FGD3: variants seen among roughly 807,000 people sequenced by gnomAD.
FGD3 encodes the protein FYVE, RhoGEF and PH domain containing 3, also known as FYVE, RhoGEF and PH domain-containing protein 3.
A neutral mutation model predicts 71.8 loss-of-function variants in FGD3; 45 were observed. The ratio of observed to expected loss-of-function variants is 0.63; its 90% CI spans 0.49 to 0.80. FGD3 has a LOEUF of 0.80. Among genes scored for constraint, FGD3 ranks in the 30% least tolerant of loss-of-function variants. The pLI is 0.00. For synonymous variants in FGD3, 378 were observed against 392.8 expected, an observed-to-expected ratio of 0.96 and a Z score of 0.44; for missense variants, 844 against 951.5, an observed-to-expected ratio of 0.89 and a Z score of 1.49.
At chr9:92,996,085 C>T (rs1053953380) in intron 3 of FGD3, among the ~76,000 whole-genome samples, 3 of 152,010 alleles carry the variant, frequency 2.0e-5, no homozygotes, top group African/African-American at 7.3e-5. Context: ...TGGTAGAATT[C>T]GGCTGTGAAT....
intron 9 of FGD3, 23 bp from the exon 10 acceptor site, chr9:93,015,714 C>T (rs780156705): frequency 6.2e-7 from 1 of 1,610,292 alleles, no homozygotes; most frequent in South Asian, 1.1e-5. Flanking sequence ...TCTCGTTCCT[C>T]ACCTGTGCCA....
chr9:92,997,720 C>T (rs1041686191), intron 3 of FGD3, among the ~76,000 whole-genome samples: 2 of 152,146 alleles, frequency 1.3e-5, no homozygotes, highest in African/African-American at 4.8e-5. Flanking sequence ...TTTTATTTCT[C>T]CTTCACTTGT....
At chr9:93,020,290 T>C in intron 12 of FGD3, 27 bp from the exon 13 acceptor site, 1 of 1,592,278 alleles carries the variant, frequency 6.3e-7, no homozygotes, top group South Asian at 1.1e-5. Context: ...CCCTTTATAG[T>C]CCTCACTGTT....
intron 3 of FGD3, among the ~76,000 whole-genome samples, chr9:92,981,380 A>AG (rs1185575421): frequency 2.0e-5 from 3 of 151,250 alleles, no homozygotes; most frequent in East Asian, 3.9e-4. Flanking sequence ...AAAAAAAAAA[A>AG]AAAAGAAAAA....
At chr9:92,974,469 G>T (rs931930296) in intron 1 of FGD3, 11 of 152,390 alleles carry the variant, frequency 7.2e-5, no homozygotes, top group African/African-American at 2.6e-4. Flanking sequence ...AAGGGGTTTT[G>T]CCCCAAGACA....
At chr9:93,028,212 ACACACG>A (rs1564171426) in intron 14 of FGD3, among the ~76,000 whole-genome samples, 1 of 81,658 alleles carries the variant, frequency 1.2e-5, no homozygotes, top group Admixed American at 1.2e-4. Context: ...ACACACACAC[ACACACG>A]CACACACACA....
intron 3 of FGD3, among the ~76,000 whole-genome samples, chr9:93,000,108 ATATTT>A (rs1361732342): frequency 6.6e-6 from 1 of 150,648 alleles, no homozygotes; most frequent in Non-Finnish European, 1.5e-5. Flanking sequence ...TTATCTATAG[ATATTT>A]TATTTGTGGT....
chr9:93,015,935 G>T (rs1226110210), intron 10 of FGD3, 106 bp downstream of exon 10: 1 of 976,246 alleles, frequency 1.0e-6, no homozygotes, highest in African/African-American at 1.6e-5. Flanking sequence ...GTGCAGCCTG[G>T]CACCCCTACC....
Position 93,010,236 on chromosome 9 carries a change from G to A in FGD3, c.838-10G>A. On this transcript the variant is annotated splice_polypyrimidine_tract_variant and intron_variant, in intron 6 of 17. Transcript: ENST00000375482. ...CCTTGGAGTGCCCAATGCTCCCTCT[G>A]TCCCCACAGAAGCAGGAGGTATGCG... 1 of 1,602,314 alleles carries A rather than the reference G, an allele frequency of 6.2e-7. No individual in the cohort carries two copies. The highest frequency in any genetic ancestry group is 8.5e-7 in the Non-Finnish European group (1 of 1,171,744).
chr9:93,010,724 G>GGA (rs960912074), intron 7 of FGD3, among the ~76,000 whole-genome samples: 1 of 149,970 alleles, frequency 6.7e-6, no homozygotes, highest in Non-Finnish European at 1.5e-5. Context: ...GGAAGGAGGG[G>GGA]GAGAGAGAGA....
chr9:92,993,565 G>A (rs781047527), intron 3 of FGD3, among the ~76,000 whole-genome samples: 70 of 151,974 alleles, frequency 4.6e-4, no homozygotes, highest in Admixed American at 2.0e-4. Flanking sequence ...TGCTGCACCC[G>A]TTAACTCATC....
At chr9:93,011,415 C>G (rs1861370714) in intron 8 of FGD3, 143 bp downstream of exon 8, 5 of 959,408 alleles carry the variant, frequency 5.2e-6, no homozygotes. Context: ...CCCCCATCCC[C>G]AGGGGGGTCA....
At chr9:93,030,754 G>A (rs1862323687) in intron 15 of FGD3, among the ~76,000 whole-genome samples, 2 of 151,934 alleles carry the variant, frequency 1.3e-5, no homozygotes, top group Admixed American at 6.6e-5. Flanking sequence ...TCCTTGGAAG[G>A]ATGGATGATG....
In FGD3 at chr9:93,014,947, T is replaced by C. The variant is rs1861606912; in HGVS notation, c.1183-790T>C. 3.9e-5 allele frequency among the ~76,000 whole-genome samples: 6 copies of C among 152,032 alleles called. No homozygotes were observed. The South Asian group carries it at 1.2e-3, about 31-fold the overall frequency. On this transcript the variant is annotated intron_variant, in intron 9 of 17. Coordinates refer to ENST00000375482, the MANE Select transcript of FGD3 (RefSeq NM_001083536.2). ...CTCACCTGGCCAAGTTACAATTTGATCACTGCCCCCGCCCACCCCCCCAGT... is the reference window on the plus strand; with the variant it reads ...CTCACCTGGCCAAGTTACAATTTGACCACTGCCCCCGCCCACCCCCCCAGT...
At position 92,969,084 on chromosome 9, in the gene FGD3, C is replaced by T. The variant is rs931417205; in HGVS notation, c.-217-6154C>T. 3.3e-5 allele frequency among the ~76,000 whole-genome samples: 5 copies of T among 152,250 alleles called. No homozygotes were observed. Among genetic ancestry groups the T allele is most frequent in the Non-Finnish European group, 5.9e-5 (4 of 68,044 alleles). On this transcript the variant is annotated intron_variant, in intron 1 of 17. Transcript: ENST00000375482. This position sits in a 1 kb window ranked among gnomAD's most constrained non-coding sequence, Gnocchi z 4.5. ...AGGCAGTTCACATGGTTTATTGTAT[C>T]ACCTAGAGGCACTTACAGTATTGCC...
chr9:93,007,153 C>T (rs983707929), intron 6 of FGD3, among the ~76,000 whole-genome samples: 3 of 151,032 alleles, frequency 2.0e-5, no homozygotes, highest in African/African-American at 7.3e-5. Context: ...TGCAGTGGCG[C>T]GATCTCAGTT....
In FGD3 at chr9:92,960,607, G is replaced by C. The variant is rs538694089; in HGVS notation, c.-218+12878G>C. 2.0e-5 allele frequency among the ~76,000 whole-genome samples: 3 copies of C among 152,266 alleles called. No homozygotes were observed. The East Asian group carries it at 5.8e-4, about 29-fold the overall frequency. On this transcript the variant is annotated intron_variant, in intron 1 of 17. Transcript: ENST00000375482. Reference sequence around the variant, plus strand: ...GGGAAGGAATGGGGTGTAACAGCCAGGGCCAGCTGGGTGCCGTAACAGTCC... The same window carrying C: ...GGGAAGGAATGGGGTGTAACAGCCACGGCCAGCTGGGTGCCGTAACAGTCC...
At chr9:92,982,367 T>C (rs959784893) in intron 3 of FGD3, among the ~76,000 whole-genome samples, 1 of 152,368 alleles carries the variant, frequency 6.6e-6, no homozygotes, top group East Asian at 1.9e-4. Context: ...TACCACATTT[T>C]CCTTATTCAC....
chr9:93,029,773 T>A (rs1862283479), intron 14 of FGD3, 101 bp from the exon 15 acceptor site: 1 of 1,479,938 alleles, frequency 6.8e-7, no homozygotes, highest in Non-Finnish European at 9.1e-7. Context: ...GCCTTGAGCC[T>A]GTGTGGCTTT....
Sources: gnomAD v4.1 joint callset for allele counts (sites outside exome capture counted in the v4.1 genomes callset) on GRCh38, gnomAD v4.1.1 for gene constraint, Gnocchi (gnomAD v3.1) non-coding constraint, MANE v1.5 for transcripts, NCBI Gene and HGNC (gene_info 2026-07-23, HGNC 2026-07-21) for gene names.